Variants in SUGCT observed in about 807,000 individuals in gnomAD.
SUGCT encodes the protein succinyl-CoA:glutarate-CoA transferase.
Under a neutral mutation model 55.0 loss-of-function variants are expected in SUGCT, and 41 were observed. The ratio of observed to expected loss-of-function variants is 0.74; its 90% CI spans 0.58 to 0.97. The LOEUF (loss-of-function observed/expected upper bound fraction) is 0.97, where lower values mean the gene tolerates loss of function less well. Among genes scored for constraint, SUGCT ranks in the 50% least tolerant of loss-of-function variants. The pLI is 0.00. For synonymous variants in SUGCT, 187 were observed against 200.4 expected (o/e 0.93, Z 0.56); for missense variants, 568 against 547.8 (o/e 1.04, Z -0.37).
At chr7:40,981,097 G>A in the SUGCT span, among the ~76,000 whole-genome samples, 1 of 152,122 alleles carries the variant, frequency 6.6e-6, no homozygotes, top group Non-Finnish European at 1.5e-5. Flanking sequence ...GCTCTCTGTG[G>A]TAGCTCTGCC....
chr7:40,263,774 C>T (rs114891002), intron 7 of SUGCT, among the ~76,000 whole-genome samples: 2,551 of 152,270 alleles, frequency 0.017, 58 homozygotes, highest in African/African-American at 0.059. Flanking sequence ...GTTACATTTT[C>T]CCTTGAGTTG....
At chr7:40,790,898 C>G (rs974589711) in intron 13 of SUGCT, among the ~76,000 whole-genome samples, 3 of 152,222 alleles carry the variant, frequency 2.0e-5, no homozygotes, top group African/African-American at 4.8e-5. Context: ...CTTTTATTTT[C>G]TAGTCAAAGA....
chr7:40,803,082 A>G (rs890948723), intron 13 of SUGCT, among the ~76,000 whole-genome samples: 1 of 152,218 alleles, frequency 6.6e-6, no homozygotes, highest in African/African-American at 2.4e-5. Flanking sequence ...GATAATGGAA[A>G]ATAATAACAC....
chr7:40,674,717 G>GT (rs1562939422), intron 12 of SUGCT, among the ~76,000 whole-genome samples: 3 of 152,134 alleles, frequency 2.0e-5, no homozygotes, highest in Non-Finnish European at 4.4e-5. Flanking sequence ...AGACAGTCTG[G>GT]TTTTTTTGTT....
intron 12 of SUGCT, among the ~76,000 whole-genome samples, chr7:40,631,837 A>G (rs1296461177): frequency 6.6e-6 from 1 of 152,220 alleles, no homozygotes; most frequent in African/African-American, 2.4e-5. Context: ...TCCCGTGGTC[A>G]TGAACAGGCT....
chr7:40,604,302 G>A (rs1008797025), intron 12 of SUGCT, among the ~76,000 whole-genome samples: 14 of 152,166 alleles, frequency 9.2e-5, no homozygotes, highest in African/African-American at 3.4e-4. Flanking sequence ...CTCAGAAAAA[G>A]CGTGGGAACT....
chr7:40,498,374 T>G (rs188860181), intron 12 of SUGCT, among the ~76,000 whole-genome samples: 85 of 152,294 alleles, frequency 5.6e-4, no homozygotes, highest in African/African-American at 1.9e-3. Context: ...CATTTTGAAT[T>G]TATTTATTAG....
rs1418132884 is a variant in SUGCT, at chr7:40,774,299, G to A, written c.1153+24802G>A. Among the ~76,000 whole-genome samples the A allele has an allele frequency of 6.6e-5, 10 of 152,272 alleles. 2 individuals carry two copies. The South Asian group carries it at 2.1e-3, about 32-fold the overall frequency. The stretch of plus-strand genomic sequence containing the variant: ...CAGAAGTTATTCTTGCCAAAAGAAT[G>A]CCTTCAGAAGCAGCAGGCAAAATGA... On this transcript the variant is annotated intron_variant, in intron 13 of 13. Coordinates refer to ENST00000335693, the MANE Select transcript of SUGCT (RefSeq NM_001193313.2).
rs551159442 is a variant in SUGCT, at chr7:40,264,318, A to G, written c.577-10195A>G. ...GCCTGTTTATAGATGAGGCAGTGGA[A>G]GGAGTGGAGTTCAGTGTTTTGAGTT... is the stretch of plus-strand genomic sequence containing the variant. On this transcript the variant is annotated intron_variant, in intron 7 of 13. Coordinates refer to ENST00000335693, the MANE Select transcript of SUGCT (RefSeq NM_001193313.2). 5.9e-5 allele frequency among the ~76,000 whole-genome samples: 9 copies of G among 152,324 alleles called. No individual in the cohort carries two copies. In the East Asian group the frequency reaches 1.7e-3, roughly 29 times the overall value.
chr7:40,138,150 T>C (rs1332967964), intron 1 of SUGCT, among the ~76,000 whole-genome samples: 2 of 152,028 alleles, frequency 1.3e-5, no homozygotes, highest in Non-Finnish European at 2.9e-5. Context: ...TCCCTCTACA[T>C]CCCCAACCCT....
chr7:40,835,890 C>CTTTTT (rs1011199588), intron 13 of SUGCT, among the ~76,000 whole-genome samples: 1 of 136,080 alleles, frequency 7.3e-6, no homozygotes, highest in African/African-American at 2.7e-5. Flanking sequence ...TCTTTTTTTT[C>CTTTTT]TTTTTTTTTT....
chr7:40,718,013 T>C (rs1786117252), intron 12 of SUGCT, among the ~76,000 whole-genome samples: 1 of 152,182 alleles, frequency 6.6e-6, no homozygotes. Context: ...AAATGAAAGA[T>C]ATGTCTTTAA....
intron 12 of SUGCT, among the ~76,000 whole-genome samples, chr7:40,559,477 A>G (rs574568123): frequency 2.6e-4 from 40 of 152,348 alleles, no homozygotes; most frequent in African/African-American, 6.7e-4. Flanking sequence ...AGTGGTTACA[A>G]TTGTCCTACC....
At chr7:40,436,049 T>C (rs1350741807) in intron 9 of SUGCT, among the ~76,000 whole-genome samples, 1 of 151,330 alleles carries the variant, frequency 6.6e-6, no homozygotes, top group Non-Finnish European at 1.5e-5. Flanking sequence ...GTTCAAGCAA[T>C]TCTCCTGCCT....
intron 12 of SUGCT, among the ~76,000 whole-genome samples, chr7:40,655,298 A>AG (rs367901902): frequency 2.0e-5 from 3 of 152,148 alleles, no homozygotes; most frequent in South Asian, 2.1e-4. Context: ...TGTCTCAAAA[A>AG]AAAATTAAAA....
chr7:40,250,982 C>G (rs1022067663), intron 7 of SUGCT, among the ~76,000 whole-genome samples: 1 of 150,644 alleles, frequency 6.6e-6, no homozygotes, highest in African/African-American at 2.4e-5. Flanking sequence ...GATTACAGGC[C>G]CCTGCCACTG....
the SUGCT span, among the ~76,000 whole-genome samples, chr7:41,035,051 C>G: frequency 2.0e-5 from 3 of 152,200 alleles, no homozygotes; most frequent in Non-Finnish European, 2.9e-5. Flanking sequence ...TTGTCCCCAG[C>G]GGTGTTCTTC....
At chr7:40,763,234 C>G (rs972918082) in intron 13 of SUGCT, among the ~76,000 whole-genome samples, 5 of 152,116 alleles carry the variant, frequency 3.3e-5, no homozygotes, top group African/African-American at 1.2e-4. Flanking sequence ...ACTTAGTGAG[C>G]CTGAATATGA....
chr7:41,034,559 C>A, the SUGCT span, among the ~76,000 whole-genome samples: 1 of 152,172 alleles, frequency 6.6e-6, no homozygotes, highest in African/African-American at 2.4e-5. Context: ...ATTGGGACTT[C>A]TTGTGCACCA....
Sources: allele counts gnomAD v4.1 joint callset (sites outside exome capture counted in the v4.1 genomes callset), GRCh38; gene constraint gnomAD v4.1.1; transcripts MANE v1.5; gene names NCBI Gene and HGNC (gene_info 2026-07-23, HGNC 2026-07-21).